Variants in GALNT11 observed in about 807,000 individuals in gnomAD.
GALNT11 encodes the protein UDP-GalNAc:polypeptide N-acetylgalactosaminyltransferase 11.
In GALNT11, 47 loss-of-function variants were observed where a neutral mutation model predicts 72.7. The observed-to-expected ratio is 0.65, with a 90% CI of 0.51 to 0.82. The LOEUF is 0.82. GALNT11 is among the 40% of genes least tolerant of loss of function. The pLI, the probability that GALNT11 is intolerant of heterozygous loss-of-function variation, is 0.00. For missense variants in GALNT11, 677 were observed against 778.4 expected (o/e 0.87, Z 1.55); for synonymous variants, 270 against 286.6 (o/e 0.94, Z 0.58).
chr7:152,041,762 G>C (rs1347218824), intron 1 of GALNT11, among the ~76,000 whole-genome samples: 1 of 152,236 alleles, frequency 6.6e-6, no homozygotes, highest in African/African-American at 2.4e-5. Context: ...GGAATGCCTA[G>C]AGCAGGTCAT....
intron 8 of GALNT11, among the ~76,000 whole-genome samples, chr7:152,114,092 G>A (rs144677276): frequency 4.0e-5 from 6 of 151,834 alleles, no homozygotes; most frequent in African/African-American, 9.7e-5. Context: ...ATTGGACTTC[G>A]TGGTGACCCA....
intron 1 of GALNT11, among the ~76,000 whole-genome samples, chr7:152,040,765 A>G (rs1026487614): frequency 8.5e-5 from 13 of 152,238 alleles, no homozygotes; most frequent in African/African-American, 2.4e-4. Flanking sequence ...CAATACCTCA[A>G]TTACAGCTAC....
chr7:152,105,065 C>T (rs1444318690), intron 4 of GALNT11, among the ~76,000 whole-genome samples, 180 bp from the exon 5 acceptor site: 1 of 152,170 alleles, frequency 6.6e-6, no homozygotes, highest in Non-Finnish European at 1.5e-5. Flanking sequence ...TCTTACCCTT[C>T]ATTTCTTTTT....
intron 1 of GALNT11, among the ~76,000 whole-genome samples, chr7:152,080,737 G>A (rs1351521524): frequency 2.0e-5 from 3 of 152,008 alleles, no homozygotes; most frequent in Admixed American, 6.5e-5. Context: ...CTGGGCAGGA[G>A]GATCACCTGA....
intron 1 of GALNT11, among the ~76,000 whole-genome samples, chr7:152,071,202 T>C (rs2084622404): frequency 1.3e-5 from 2 of 152,244 alleles, no homozygotes; most frequent in Non-Finnish European, 2.9e-5. Context: ...AGGAATTTCC[T>C]CTTCCTAATA....
At chr7:152,047,762 T>G in intron 1 of GALNT11, among the ~76,000 whole-genome samples, 1 of 150,646 alleles carries the variant, frequency 6.6e-6, no homozygotes, top group South Asian at 2.1e-4. Flanking sequence ...AATAAATATA[T>G]TTTACCTTCA....
At chr7:152,063,442 T>C (rs1188168780) in intron 1 of GALNT11, among the ~76,000 whole-genome samples, 2 of 152,140 alleles carry the variant, frequency 1.3e-5, no homozygotes, top group African/African-American at 4.8e-5. Context: ...TTTTGAAGGG[T>C]TTTTTGTGTC....
intron 1 of GALNT11, among the ~76,000 whole-genome samples, chr7:152,042,079 A>T (rs186076891): frequency 4.7e-4 from 71 of 152,348 alleles, no homozygotes; most frequent in Middle Eastern, 3.4e-3. Flanking sequence ...CTTGCCCTAC[A>T]TATATCTGGC....
At chr7:152,045,374 T>C (rs1375495818) in intron 1 of GALNT11, among the ~76,000 whole-genome samples, 1 of 152,172 alleles carries the variant, frequency 6.6e-6, no homozygotes, top group African/African-American at 2.4e-5. Context: ...ATTAGTTCTT[T>C]AAAAGTTTGA....
chr7:152,091,684 G>C (rs2086049376), intron 1 of GALNT11, among the ~76,000 whole-genome samples: 1 of 152,140 alleles, frequency 6.6e-6, no homozygotes, highest in South Asian at 2.1e-4. Flanking sequence ...AGCCGGAGAG[G>C]AAAGTTTCAA....
chr7:152,030,803 GTCTC>G (rs897029727), intron 1 of GALNT11, among the ~76,000 whole-genome samples: 1 of 151,754 alleles, frequency 6.6e-6, no homozygotes, highest in African/African-American at 2.4e-5. Context: ...CTCTCTCTGT[GTCTC>G]TCTCTGATTT....
At position 152,117,138 on chromosome 7, in the gene GALNT11, T is replaced by C; in HGVS notation, c.1234-19T>C. 6.4e-7 allele frequency: 1 copy of C among 1,569,784 alleles called. No homozygotes were observed. Among genetic ancestry groups the C allele is most frequent in the Non-Finnish European group, 8.6e-7 (1 of 1,163,374 alleles). ...AACAAAAAATTCGATTTTCTTATTT[T>C]TACTTTTTTTAAATTCAGGAGCAGT... On this transcript the variant is annotated intron_variant, in intron 8 of 11. Transcript: ENST00000430044.
intron 1 of GALNT11, among the ~76,000 whole-genome samples, chr7:152,076,123 T>A (rs576624560): frequency 1.3e-5 from 2 of 150,410 alleles, no homozygotes; most frequent in South Asian, 2.1e-4. Flanking sequence ...GCTTTTTTAA[T>A]GTTCTGTTCC....
intron 1 of GALNT11, among the ~76,000 whole-genome samples, chr7:152,033,514 A>G (rs1303360078): frequency 6.6e-6 from 1 of 152,118 alleles, no homozygotes; most frequent in Non-Finnish European, 1.5e-5. Context: ...CCTGATATCC[A>G]CGGCTGATTG....
chr7:152,101,015 A>C, intron 3 of GALNT11, 94 bp downstream of exon 3: 1 of 1,489,908 alleles, frequency 6.7e-7, no homozygotes, highest in Non-Finnish European at 9.1e-7. Flanking sequence ...CATATTTCCC[A>C]ATGCAGCGTC....
rs1325590757 is a variant in GALNT11 at position 152,094,424 on chromosome 7, T to C, written c.197T>C (p.Val66Ala). Reference protein sequence around the residue: ...YPRFTRGPSRVLEPQFKANKI... With the variant: ...YPRFTRGPSRALEPQFKANKI... Reference sequence around the variant, plus strand: ...CGTTTCACTCGAGGCCCAAGTCGAGTGCTCGAGCCACAGTTCAAAGCAAAC... The same window carrying C: ...CGTTTCACTCGAGGCCCAAGTCGAGCGCTCGAGCCACAGTTCAAAGCAAAC... The change falls in exon 2 of 12, where the codon GTG becomes GCG. Residue 66 changes from valine to alanine, a missense_variant. Physicochemically the swap from Val to Ala is moderately conservative, Grantham distance 64 (BLOSUM62 0). Transcript: ENST00000430044. This position sits in a 1 kb window ranked among gnomAD's most constrained non-coding sequence, Gnocchi z 4.3. 1.2e-6 allele frequency: 2 copies of C among 1,614,118 alleles called. No individual in the cohort carries two copies. The highest frequency in any genetic ancestry group is 1.7e-6 in the Non-Finnish European group (2 of 1,180,020).
intron 1 of GALNT11, among the ~76,000 whole-genome samples, chr7:152,030,092 C>T (rs529422065): frequency 3.9e-5 from 6 of 152,054 alleles, no homozygotes; most frequent in African/African-American, 9.7e-5. Context: ...TCCCCGTGTG[C>T]GGAGACGAGA....
At chr7:152,052,813 G>A (rs2083464654) in intron 1 of GALNT11, among the ~76,000 whole-genome samples, 1 of 152,106 alleles carries the variant, frequency 6.6e-6, no homozygotes, top group Non-Finnish European at 1.5e-5. Flanking sequence ...GCCTACATTT[G>A]AACTTGAATC....
intron 1 of GALNT11, among the ~76,000 whole-genome samples, chr7:152,066,930 T>C (rs1440678926): frequency 2.6e-5 from 4 of 152,226 alleles, no homozygotes; most frequent in Non-Finnish European, 4.4e-5. Context: ...TCGCAAAACG[T>C]AACACCGAAA....
Sources: gnomAD v4.1 joint callset for allele counts (sites outside exome capture counted in the v4.1 genomes callset) on GRCh38, gnomAD v4.1.1 for gene constraint, Gnocchi (gnomAD v3.1) non-coding constraint, MANE v1.5 for transcripts, NCBI Gene and HGNC (gene_info 2026-07-23, HGNC 2026-07-21) for gene names.